ZMYND11: variants seen among roughly 807,000 people sequenced by gnomAD.
ZMYND11 encodes the protein zinc finger MYND domain-containing protein 11.
In ZMYND11, 9 loss-of-function variants were observed where a neutral mutation model predicts 84.9. The ratio of observed to expected loss-of-function variants is 0.11; its 90% CI spans 0.06 to 0.18. ZMYND11 has a LOEUF of 0.18. Ranked by LOEUF, ZMYND11 falls within the 10% of genes least tolerant of loss-of-function variation. The pLI is 1.00. For missense variants in ZMYND11, 409 were observed against 761.0 expected (o/e 0.54, Z 5.44); for synonymous variants, 250 against 244.1 (o/e 1.02, Z -0.23).
Position 181,881 on chromosome 10 carries a change from A to C in ZMYND11, c.116+1753A>C, listed in dbSNP as rs77801712. ...AATTTGGGGTATGATAACTACATGC[A>C]AATGATGTTGATGTAAAACATTTTA... On this transcript the variant is annotated intron_variant, in intron 2 of 14. Coordinates refer to ENST00000381604, the MANE Select transcript of ZMYND11 (RefSeq NM_001370100.5). Among the ~76,000 whole-genome samples, 359 of 152,348 alleles carry C rather than the reference A, an allele frequency of 2.4e-3. 3 individuals carry two copies. Among genetic ancestry groups the C allele is most frequent in the African/African-American group, 8.2e-3 (343 of 41,592 alleles).
intron 3 of ZMYND11, among the ~76,000 whole-genome samples, chr10:220,913 G>T (rs1323910180): frequency 6.6e-6 from 1 of 152,310 alleles, no homozygotes; most frequent in East Asian, 1.9e-4. Flanking sequence ...CAAAATGAAA[G>T]ATAACATTAG....
chr10:223,375 T>A (rs1947485349), intron 4 of ZMYND11, among the ~76,000 whole-genome samples: 1 of 152,180 alleles, frequency 6.6e-6, no homozygotes, highest in South Asian at 2.1e-4. Context: ...GGATGAAATT[T>A]AAAAAATTTT....
At chr10:167,560 G>A (rs782636529) in intron 1 of ZMYND11, among the ~76,000 whole-genome samples, 14 of 152,126 alleles carry the variant, frequency 9.2e-5, no homozygotes, top group Non-Finnish European at 1.3e-4. Flanking sequence ...TTACATAGCA[G>A]TATTTCCCAT....
chr10:236,488 C>G (rs1477299531), intron 4 of ZMYND11, among the ~76,000 whole-genome samples: 4 of 152,178 alleles, frequency 2.6e-5, no homozygotes, highest in Non-Finnish European at 5.9e-5. Context: ...GATGTTCCCT[C>G]AAAGGACTTA....
intron 3 of ZMYND11, among the ~76,000 whole-genome samples, chr10:212,641 C>G (rs1482445045): frequency 2.6e-5 from 4 of 151,650 alleles, no homozygotes; most frequent in South Asian, 4.2e-4. Context: ...ATATTAATAT[C>G]TATTTCATTT....
At chr10:146,322 T>C (rs1209051955) in intron 1 of ZMYND11, among the ~76,000 whole-genome samples, 2 of 152,212 alleles carry the variant, frequency 1.3e-5, no homozygotes, top group African/African-American at 2.4e-5. Flanking sequence ...CCAGATTAGT[T>C]CTTTTGCATA....
At chr10:188,111 G>C (rs531474379) in intron 2 of ZMYND11, among the ~76,000 whole-genome samples, 1 of 152,202 alleles carries the variant, frequency 6.6e-6, no homozygotes, top group South Asian at 2.1e-4. Context: ...TGTGTAATTT[G>C]AATAGGTATC....
chr10:221,508 AC>A (rs1947130956), intron 4 of ZMYND11, 152 bp downstream of exon 4: 1 of 695,338 alleles, frequency 1.4e-6, no homozygotes, highest in Admixed American at 3.3e-5. Context: ...TCATAAATGG[AC>A]ATCACAGAAC....
At chr10:200,386 CAATATAT>C (rs1486562394) in intron 2 of ZMYND11, among the ~76,000 whole-genome samples, 2 of 142,878 alleles carry the variant, frequency 1.4e-5, no homozygotes, top group African/African-American at 5.2e-5. Flanking sequence ...GTATATATAA[CAATATAT>C]ATTATATATA....
At chr10:156,287 C>G (rs1307369522) in intron 1 of ZMYND11, among the ~76,000 whole-genome samples, 3 of 152,142 alleles carry the variant, frequency 2.0e-5, no homozygotes, top group Non-Finnish European at 2.9e-5. Flanking sequence ...TGTATTGTTG[C>G]ATATGATGAC....
intron 1 of ZMYND11, among the ~76,000 whole-genome samples, chr10:162,507 T>C (rs1843146539): frequency 6.6e-6 from 1 of 152,104 alleles, no homozygotes; most frequent in South Asian, 2.1e-4. Context: ...CAATGAGTTA[T>C]GCCTGTATAT....
At chr10:224,188 T>C (rs1193716581) in intron 4 of ZMYND11, among the ~76,000 whole-genome samples, 1 of 152,208 alleles carries the variant, frequency 6.6e-6, no homozygotes, top group East Asian at 1.9e-4. Flanking sequence ...TGAGAACAGG[T>C]GTTCTGTCTC....
intron 7 of ZMYND11, 96 bp from the exon 8 acceptor site, chr10:239,960 G>T (rs1801232294): frequency 2.0e-6 from 2 of 1,008,646 alleles, no homozygotes; most frequent in Non-Finnish European, 2.9e-6. Flanking sequence ...TGAAATGGTA[G>T]ATGTCTACTT....
intron 1 of ZMYND11, among the ~76,000 whole-genome samples, chr10:169,970 A>T (rs1844905913): frequency 6.6e-6 from 1 of 152,134 alleles, no homozygotes; most frequent in Non-Finnish European, 1.5e-5. Flanking sequence ...GCTAAATGGC[A>T]AAAATATTAT....
chr10:135,161 C>T (rs1588317820), upstream of ZMYND11: 1 of 150,352 alleles, frequency 6.7e-6, no homozygotes, highest in African/African-American at 2.4e-5. This position sits in a 1 kb window ranked among gnomAD's most constrained non-coding sequence, Gnocchi z 5.6. Flanking sequence ...TTCCCGCCGC[C>T]CGCTCCGGCC....
chr10:145,471 G>A (rs782785193), intron 1 of ZMYND11, among the ~76,000 whole-genome samples: 5 of 152,052 alleles, frequency 3.3e-5, no homozygotes, highest in Non-Finnish European at 7.4e-5. Flanking sequence ...AGGAACGTCC[G>A]TGCCGTTTTC....
intron 1 of ZMYND11, among the ~76,000 whole-genome samples, chr10:150,342 C>T (rs548033548): frequency 2.0e-5 from 3 of 151,966 alleles, no homozygotes; most frequent in East Asian, 3.9e-4. Flanking sequence ...TAGTCTTGGG[C>T]GGGTGTATGT....
intron 3 of ZMYND11, among the ~76,000 whole-genome samples, chr10:213,646 G>C (rs1415855989): frequency 6.6e-6 from 1 of 152,036 alleles, no homozygotes; most frequent in African/African-American, 2.4e-5. Flanking sequence ...GTAAACTCAG[G>C]TGGGGAAAAG....
intron 4 of ZMYND11, among the ~76,000 whole-genome samples, chr10:229,340 G>C (rs192867225): frequency 1.3e-5 from 2 of 152,256 alleles, no homozygotes; most frequent in African/African-American, 4.8e-5. Flanking sequence ...GACGTTCTTA[G>C]TAGTTTGCAT....
Sources: gnomAD v4.1 joint callset for allele counts (sites outside exome capture counted in the v4.1 genomes callset) on GRCh38, gnomAD v4.1.1 for gene constraint, Gnocchi (gnomAD v3.1) non-coding constraint, MANE v1.5 for transcripts, NCBI Gene and HGNC (gene_info 2026-07-23, HGNC 2026-07-21) for gene names.